NDFIP2: variants seen among roughly 807,000 people sequenced by gnomAD.
NDFIP2 encodes Nedd4 family interacting protein 2.
In NDFIP2, 19 loss-of-function variants were observed where a neutral mutation model predicts 36.0. The ratio of observed to expected loss-of-function variants is 0.53; its 90% CI spans 0.37 to 0.77. The LOEUF (loss-of-function observed/expected upper bound fraction) is 0.77. NDFIP2 is among the 30% of genes least tolerant of loss of function. The probability of loss-of-function intolerance (pLI) is 0.00; values close to 1 mark genes in which losing one functional copy is unlikely to be tolerated. For missense variants in NDFIP2, 446 were observed against 435.8 expected, an observed-to-expected ratio of 1.02 and a Z score of -0.21; for synonymous variants, 181 against 167.7, an observed-to-expected ratio of 1.08 and a Z score of -0.61.
intron 1 of NDFIP2, among the ~76,000 whole-genome samples, chr13:79,488,078 T>C (rs1424950655): frequency 6.6e-6 from 1 of 152,156 alleles, no homozygotes; most frequent in Non-Finnish European, 1.5e-5. Context: ...TTCTCAAAGG[T>C]GTGTTAGGGT....
intron 2 of NDFIP2, among the ~76,000 whole-genome samples, chr13:79,529,182 A>G (rs1874914476): frequency 6.6e-6 from 1 of 152,198 alleles, no homozygotes; most frequent in South Asian, 2.1e-4. Flanking sequence ...TTCTAAGAGG[A>G]GGATTTGGAG....
chr13:79,495,541 C>G (rs1012656076), intron 1 of NDFIP2, among the ~76,000 whole-genome samples: 3 of 151,838 alleles, frequency 2.0e-5, no homozygotes, highest in Admixed American at 6.6e-5. Flanking sequence ...ACCACAATTA[C>G]TTTTGCAACA....
intron 1 of NDFIP2, among the ~76,000 whole-genome samples, chr13:79,498,220 G>A (rs1421288791): frequency 2.6e-5 from 4 of 151,910 alleles, no homozygotes; most frequent in Non-Finnish European, 5.9e-5. Flanking sequence ...GTTCATTTTA[G>A]TTCCCATTGC....
intron 1 of NDFIP2, 32 bp downstream of exon 1, chr13:79,481,556 C>G (rs559908634): frequency 1.3e-6 from 2 of 1,520,284 alleles, no homozygotes; most frequent in Non-Finnish European, 1.8e-6. Context: ...CCTCCCGGGA[C>G]TGCCTCCCGC....
intron 3 of NDFIP2, among the ~76,000 whole-genome samples, chr13:79,537,616 C>T (rs1875292380): frequency 6.6e-6 from 1 of 152,120 alleles, no homozygotes; most frequent in Non-Finnish European, 1.5e-5. Flanking sequence ...TTTAAGGGAT[C>T]TTTGTGCCCG....
intron 1 of NDFIP2, among the ~76,000 whole-genome samples, chr13:79,496,715 G>A (rs545729979): frequency 6.6e-6 from 1 of 151,822 alleles, no homozygotes; most frequent in African/African-American, 2.4e-5. Flanking sequence ...TGGCTCTGTT[G>A]TATTACAATT....
intron 4 of NDFIP2, 78 bp from the exon 5 acceptor site, chr13:79,543,480 A>G (rs1326583806): frequency 6.5e-7 from 1 of 1,542,956 alleles, no homozygotes; most frequent in South Asian, 1.2e-5. Flanking sequence ...CCATTGAGCC[A>G]TGAAATATTA....
At chr13:79,537,844 G>A (rs1172607647) in intron 3 of NDFIP2, among the ~76,000 whole-genome samples, 1 of 152,104 alleles carries the variant, frequency 6.6e-6, no homozygotes, top group South Asian at 2.1e-4. Context: ...GATGTGTACC[G>A]TATTAGTCCA....
intron 1 of NDFIP2, among the ~76,000 whole-genome samples, chr13:79,516,592 A>G (rs1566660348): frequency 6.6e-6 from 1 of 152,214 alleles, no homozygotes; most frequent in Admixed American, 6.5e-5. Context: ...GATGCTAAAT[A>G]TAGTAATAAT....
chr13:79,493,313 AATGTTTTGC>A (rs1232404542), intron 1 of NDFIP2, among the ~76,000 whole-genome samples: 2 of 152,216 alleles, frequency 1.3e-5, no homozygotes, highest in African/African-American at 4.8e-5. Context: ...TAAAAGTAAT[AATGTTTTGC>A]ACAGCCTATG....
intron 1 of NDFIP2, among the ~76,000 whole-genome samples, chr13:79,515,858 GTT>G (rs11435384): frequency 4.4e-4 from 59 of 134,780 alleles, no homozygotes; most frequent in African/African-American, 1.7e-3. Flanking sequence ...ATTCTAATCT[GTT>G]TTTTTTTTCC....
chr13:79,506,988 T>A (rs563328631), intron 1 of NDFIP2, among the ~76,000 whole-genome samples: 12 of 152,190 alleles, frequency 7.9e-5, no homozygotes, highest in East Asian at 5.8e-4. Context: ...AATCGGAGTA[T>A]TTTTTAAAAC....
chr13:79,528,648 A>G (rs1594854148), intron 2 of NDFIP2, among the ~76,000 whole-genome samples: 2 of 152,106 alleles, frequency 1.3e-5, no homozygotes, highest in Admixed American at 6.6e-5. Flanking sequence ...TTTAGAACAT[A>G]TTTTTACTGT....
At chr13:79,535,762 G>C (rs1470295301) in intron 3 of NDFIP2, among the ~76,000 whole-genome samples, 1 of 151,520 alleles carries the variant, frequency 6.6e-6, no homozygotes, top group Non-Finnish European at 1.5e-5. Flanking sequence ...ATTGCTAGGA[G>C]AGTAGATTTT....
chr13:79,507,124 G>C (rs2140750922), intron 1 of NDFIP2, among the ~76,000 whole-genome samples: 1 of 151,724 alleles, frequency 6.6e-6, no homozygotes, highest in East Asian at 1.9e-4. Context: ...GCTTTTTTAG[G>C]GCATATAATA....
chr13:79,494,643 G>T (rs947329129), intron 1 of NDFIP2, among the ~76,000 whole-genome samples: 2 of 151,890 alleles, frequency 1.3e-5, no homozygotes, highest in African/African-American at 4.8e-5. Context: ...ATCATACTGA[G>T]ACTTTTCCCT....
At position 79,555,076 on chromosome 13, in the gene NDFIP2, CTATAAGA is replaced by C. The variant is rs1348756830; in HGVS notation, c.*2568_*2574del. The C allele has an allele frequency of 6.6e-6, 1 of 151,398 alleles. No individual in the cohort carries two copies. The highest frequency in any genetic ancestry group is 2.4e-5 in the African/African-American group (1 of 41,254). The allele number at this position is 151,398 out of a possible 1,614,324, so 9.4% of individuals were successfully genotyped here. A position where few individuals can be genotyped will look rare whatever the true frequency, so the allele number is the denominator to read the frequency against. On this transcript the variant is annotated 3_prime_UTR_variant, in exon 8 of 8. Transcript: ENST00000218652. Reference sequence around the variant, plus strand: ...TACTAATCTTTAGCCTATTTTGAGTCTATAAGATATATTTCATTTTAGACATGCCTTC... The same window carrying C: ...TACTAATCTTTAGCCTATTTTGAGTCTATATTTCATTTTAGACATGCCTTC...
intron 1 of NDFIP2, among the ~76,000 whole-genome samples, chr13:79,492,184 A>T (rs2140734762): frequency 6.6e-6 from 1 of 151,488 alleles, no homozygotes; most frequent in South Asian, 2.1e-4. Flanking sequence ...TAACCCCTTT[A>T]CTAATTTTGG....
intron 2 of NDFIP2, 41 bp downstream of exon 2, chr13:79,521,016 T>G: frequency 6.6e-7 from 1 of 1,523,664 alleles, no homozygotes; most frequent in Non-Finnish European, 8.9e-7. Context: ...TTCTTTTTTT[T>G]TTTTGACATT....
Sources: allele counts gnomAD v4.1 joint callset (sites outside exome capture counted in the v4.1 genomes callset), GRCh38; gene constraint gnomAD v4.1.1; transcripts MANE v1.5; gene names NCBI Gene and HGNC (gene_info 2026-07-23, HGNC 2026-07-21).